EPS15: variants seen among roughly 807,000 people sequenced by gnomAD.
The protein encoded by EPS15 is epidermal growth factor receptor substrate 15.
EPS15 carries 72 observed loss-of-function variants against 113.8 expected under a neutral mutation model. The ratio of observed to expected loss-of-function variants is 0.63; its 90% CI spans 0.52 to 0.77. The LOEUF is 0.77. Ranked by LOEUF, EPS15 falls within the 30% of genes least tolerant of loss-of-function variation. EPS15 has a pLI of 0.00. For missense variants in EPS15, 1,048 were observed against 1,045.8 expected (o/e 1.00, Z -0.03); for synonymous variants, 344 against 363.4 (o/e 0.95, Z 0.61).
chr1:51,479,567 T>A (rs1287025780), intron 2 of EPS15, among the ~76,000 whole-genome samples: 1 of 150,288 alleles, frequency 6.7e-6, no homozygotes, highest in Admixed American at 6.6e-5. Flanking sequence ...GCTTTTCTGC[T>A]CTGGTTTCTC....
intron 4 of EPS15, 136 bp downstream of exon 4, chr1:51,471,554 G>A: frequency 1.5e-6 from 1 of 672,934 alleles, no homozygotes; most frequent in Admixed American, 2.7e-5. Context: ...GAAATACTTT[G>A]TTACACACTT....
intron 8 of EPS15, among the ~76,000 whole-genome samples, chr1:51,450,429 G>A (rs1281592957): frequency 2.0e-5 from 3 of 151,764 alleles, no homozygotes; most frequent in East Asian, 1.9e-4. Flanking sequence ...GGGTGCAGAC[G>A]TGTCACATGG....
rs138499504 is a variant in EPS15, at chr1:51,372,091, C to T, written c.2120-6062G>A. ...ACTTTCTGATGTTCCCCTAACCACA[C>T]ATTTCTCACATTTTCCCATCATTAA... On this transcript the variant is annotated intron_variant, in intron 21 of 24. Coordinates refer to ENST00000371733, the MANE Select transcript of EPS15 (RefSeq NM_001981.3). Among the ~76,000 whole-genome samples the T allele has an allele frequency of 1.7e-4, 26 of 152,368 alleles. No homozygotes were observed. The East Asian group carries it at 3.9e-3, about 23-fold the overall frequency.
At chr1:51,377,556 G>C (rs1247588732) in intron 21 of EPS15, among the ~76,000 whole-genome samples, 1 of 152,182 alleles carries the variant, frequency 6.6e-6, no homozygotes, top group African/African-American at 2.4e-5. Context: ...TCCTGGTGAA[G>C]ATGCTGTGAA....
intron 19 of EPS15, among the ~76,000 whole-genome samples, chr1:51,399,732 G>A (rs767682942): frequency 5.3e-5 from 8 of 151,862 alleles, no homozygotes; most frequent in South Asian, 2.1e-4. Flanking sequence ...GGTGGTGCGC[G>A]CCCGTAATCC....
intron 21 of EPS15, among the ~76,000 whole-genome samples, chr1:51,391,181 G>A (rs1647317126): frequency 1.3e-5 from 2 of 152,160 alleles, no homozygotes; most frequent in African/African-American, 4.8e-5. Context: ...GGATGAAACT[G>A]GAAATCATCA....
At chr1:51,380,057 G>GAAA (rs149612289) in intron 21 of EPS15, among the ~76,000 whole-genome samples, 1 of 130,650 alleles carries the variant, frequency 7.7e-6, no homozygotes, top group Admixed American at 7.8e-5. Context: ...CTGCTTCCAG[G>GAAA]AAAAAAAAAA....
intron 8 of EPS15, among the ~76,000 whole-genome samples, chr1:51,457,129 C>CA (rs897520870): frequency 6.6e-6 from 1 of 151,294 alleles, no homozygotes; most frequent in Non-Finnish European, 1.5e-5. Flanking sequence ...ACTAAAAATA[C>CA]AAAAAAAATT....
chr1:51,372,814 G>C (rs1357326822), intron 21 of EPS15: 1 of 476,418 alleles, frequency 2.1e-6, no homozygotes, highest in Non-Finnish European at 3.6e-6. Flanking sequence ...ACAGTGGACA[G>C]TCTTTACCAG....
chr1:51,512,132 G>A (rs958039458), intron 1 of EPS15, among the ~76,000 whole-genome samples: 6 of 152,164 alleles, frequency 3.9e-5, no homozygotes, highest in Non-Finnish European at 7.3e-5. Flanking sequence ...GGAAAGCAGA[G>A]TATATGAGGC....
Position 51,443,124 on chromosome 1 carries a change from C to T in EPS15, c.954+1765G>A, listed in dbSNP as rs373969426. ...CTGGTATCTGACATAAATAGACAAA[C>T]GTATCTATGATCTAGTGAATGAACT... On this transcript the variant is annotated intron_variant, in intron 11 of 24. Transcript: ENST00000371733. 3.9e-5 allele frequency among the ~76,000 whole-genome samples: 6 copies of T among 152,128 alleles called. No individual in the cohort carries two copies. In the East Asian group the frequency reaches 5.8e-4, roughly 15 times the overall value.
intron 12 of EPS15, among the ~76,000 whole-genome samples, chr1:51,430,818 G>A (rs1393835042): frequency 6.6e-6 from 1 of 151,714 alleles, no homozygotes; most frequent in African/African-American, 2.4e-5. Flanking sequence ...AATTAGCTGG[G>A]CATGATGGCA....
intron 1 of EPS15, among the ~76,000 whole-genome samples, chr1:51,496,222 C>T (rs1398471343): frequency 6.6e-6 from 1 of 152,056 alleles, no homozygotes; most frequent in African/African-American, 2.4e-5. Flanking sequence ...AGTTACACAC[C>T]TAGTTAAGTG....
At chr1:51,401,907 C>T (rs777358475) in intron 18 of EPS15, among the ~76,000 whole-genome samples, 7 of 152,130 alleles carry the variant, frequency 4.6e-5, no homozygotes, top group African/African-American at 7.2e-5. Context: ...GGGAGGCCAA[C>T]GTGGGCGGAT....
chr1:51,396,397 A>C (rs1334080096), intron 20 of EPS15, among the ~76,000 whole-genome samples: 1 of 152,182 alleles, frequency 6.6e-6, no homozygotes. Context: ...TTACCAAGTG[A>C]ACATCCATAA....
At chr1:51,408,955 G>A (rs1001633387) in intron 14 of EPS15, among the ~76,000 whole-genome samples, 9 of 151,928 alleles carry the variant, frequency 5.9e-5, no homozygotes, top group African/African-American at 2.2e-4. Context: ...ACCCGCCACC[G>A]CCCTGGCTAA....
intron 1 of EPS15, among the ~76,000 whole-genome samples, chr1:51,508,382 A>AAGAAAGAG (rs759905974): frequency 6.8e-6 from 1 of 147,000 alleles, no homozygotes; most frequent in Non-Finnish European, 1.5e-5. Context: ...GAAAGAAAGA[A>AAGAAAGAG]AGAGAAAATT....
At chr1:51,379,255 GAC>G (rs1646878102) in intron 21 of EPS15, among the ~76,000 whole-genome samples, 1 of 152,166 alleles carries the variant, frequency 6.6e-6, no homozygotes, top group East Asian at 1.9e-4. Context: ...GAGTAGCTAG[GAC>G]TACAGGCGCA....
At chr1:51,446,919 A>T (rs1204078369) in intron 10 of EPS15, 41 bp downstream of exon 10, 1 of 1,516,476 alleles carries the variant, frequency 6.6e-7, no homozygotes, top group Middle Eastern at 1.7e-4. Context: ...GAATTGATAC[A>T]AAACCATATT....
Sources: allele counts gnomAD v4.1 joint callset (sites outside exome capture counted in the v4.1 genomes callset), GRCh38; gene constraint gnomAD v4.1.1; transcripts MANE v1.5; gene names NCBI Gene and HGNC (gene_info 2026-07-23, HGNC 2026-07-21).